Variants in PHLPP2 observed in about 807,000 individuals in gnomAD.
The protein encoded by PHLPP2 is PH domain and leucine rich repeat protein phosphatase 2.
Under a neutral mutation model 124.9 loss-of-function variants are expected in PHLPP2, and 66 were observed. The observed-to-expected ratio is 0.53, with a 90% CI of 0.43 to 0.65. PHLPP2 has a LOEUF of 0.65. Ranked by LOEUF, PHLPP2 falls within the 30% of genes least tolerant of loss-of-function variation. PHLPP2 has a pLI of 0.00. For synonymous variants in PHLPP2, 681 were observed against 624.7 expected, an observed-to-expected ratio of 1.09 and a Z score of -1.34; for missense variants, 1,685 against 1,600.4, an observed-to-expected ratio of 1.05 and a Z score of -0.90.
chr16:71,719,697 A>C (rs2045385692), intron 1 of PHLPP2, among the ~76,000 whole-genome samples: 1 of 151,684 alleles, frequency 6.6e-6, no homozygotes, highest in Admixed American at 6.6e-5. Flanking sequence ...TGGGTGACAC[A>C]AGGAGACTCT....
chr16:71,683,946 C>T (rs1360773355), intron 5 of PHLPP2, among the ~76,000 whole-genome samples: 1 of 151,538 alleles, frequency 6.6e-6, no homozygotes, highest in Admixed American at 6.6e-5. Context: ...GCATGTGCCA[C>T]TACACCCCGC....
At chr16:71,655,503 CTTT>C (rs1224203746) in intron 16 of PHLPP2, 69 bp from the exon 17 acceptor site, 6,901 of 779,476 alleles carry the variant, frequency 8.9e-3, no homozygotes, top group South Asian at 0.012. Context: ...AGGGAGCATT[CTTT>C]TTTTTTTTTT....
At position 71,645,043 on chromosome 16, in the gene PHLPP2, T is replaced by A. The variant is rs549014017; in HGVS notation, c.*3847A>T. On this transcript the variant is annotated 3_prime_UTR_variant, in exon 19 of 19. Coordinates refer to ENST00000568954, the MANE Select transcript of PHLPP2 (RefSeq NM_015020.3). ...GGCTCATATTATTGAATTAAAAAATTTAACACATTTCAAAAATATCAAAAA... is the reference window on the plus strand; with the variant it reads ...GGCTCATATTATTGAATTAAAAAATATAACACATTTCAAAAATATCAAAAA... 466 of 276,076 alleles carry A rather than the reference T, an allele frequency of 1.7e-3. 11 individuals are homozygous for A. Among genetic ancestry groups the A allele is most frequent in the South Asian group, 0.015 (452 of 29,262 alleles). The allele number at this position is 276,076 out of a possible 1,614,324, so 17.1% of individuals were successfully genotyped here.
At chr16:71,681,719 C>A in intron 6 of PHLPP2, 32 bp downstream of exon 6, 1 of 1,551,680 alleles carries the variant, frequency 6.4e-7, no homozygotes, top group Non-Finnish European at 8.7e-7. Context: ...TTGGTTTTAA[C>A]AGGTTAGTCT....
At chr16:71,704,288 C>T (rs1236862779) in intron 2 of PHLPP2, among the ~76,000 whole-genome samples, 6 of 127,704 alleles carry the variant, frequency 4.7e-5, no homozygotes, top group Admixed American at 9.8e-5. Flanking sequence ...CCAGCCTGGG[C>T]GACAGTGAGA....
At chr16:71,688,566 TGAG>T (rs1457976036) in intron 4 of PHLPP2, among the ~76,000 whole-genome samples, 5 of 151,972 alleles carry the variant, frequency 3.3e-5, no homozygotes, top group Non-Finnish European at 7.4e-5. Context: ...TTCTGATGGT[TGAG>T]TTTGTGGAAA....
Position 71,649,253 on chromosome 16 carries a change from A to AAAACACGACCC in PHLPP2, c.3598_3608dup (p.Phe1203LeufsTer13), listed in dbSNP as rs2044676297. On this transcript the variant is annotated frameshift_variant, in exon 19 of 19. Coordinates refer to ENST00000568954, the MANE Select transcript of PHLPP2 (RefSeq NM_015020.3). LOFTEE classifies it high-confidence loss of function. ...TCACACTGTTCTGTCTTCGGATCCC[A>AAAACACGACCC]AAACACGACCCTCTAGCATGTTCCT... 3.7e-6 allele frequency: 6 copies of AAAACACGACCC among 1,613,832 alleles called. No individual in the cohort carries two copies. The highest frequency in any genetic ancestry group is 5.1e-6 in the Non-Finnish European group (6 of 1,179,956).
In PHLPP2 at chr16:71,658,288, C is replaced by T. The variant is rs761636828; in HGVS notation, c.2224G>A (p.Asp742Asn). 7 of 1,613,834 alleles carry T rather than the reference C, an allele frequency of 4.3e-6. No individual in the cohort carries two copies. Among genetic ancestry groups the T allele is most frequent in the Non-Finnish European group, 5.9e-6 (7 of 1,179,776 alleles). ...EALPATLQDL[D>N]LTGNTNLVLE... is the part of the protein sequence containing the mutation. ...ACCAGATTTGTATTTCCAGTCAGGT[C>T]AAGGTCTTGTAATGTAGCAGGCAAA... is the stretch of plus-strand genomic sequence containing the variant. Residue 742 changes from aspartate (D) to asparagine (N), a missense_variant, in exon 15 of 19, where the codon GAC becomes AAC. Coordinates refer to ENST00000568954, the MANE Select transcript of PHLPP2 (RefSeq NM_015020.3).
chr16:71,704,467 G>A (rs1182912467), intron 2 of PHLPP2, among the ~76,000 whole-genome samples: 2 of 151,826 alleles, frequency 1.3e-5, no homozygotes, highest in African/African-American at 4.8e-5. Flanking sequence ...CAACTACAAA[G>A]CTGAACATAA....
rs2045036100 is a variant in PHLPP2, at chr16:71,684,610, G to C, written c.610-9C>G. 5.6e-6 allele frequency: 9 copies of C among 1,598,476 alleles called. No homozygotes were observed. In the East Asian group the frequency reaches 1.6e-4, roughly 28 times the overall value. On this transcript the variant is annotated splice_polypyrimidine_tract_variant and intron_variant, in intron 4 of 18. Transcript: ENST00000568954. ...CGCTTCACTTCTTCTATCTGAAGAAGAGGAGGGGAGAAAACCAGAACCACT... is the reference window on the plus strand; with the variant it reads ...CGCTTCACTTCTTCTATCTGAAGAACAGGAGGGGAGAAAACCAGAACCACT...
intron 10 of PHLPP2, 114 bp downstream of exon 10, chr16:71,672,148 G>T: frequency 2.8e-6 from 2 of 720,956 alleles, no homozygotes; most frequent in Non-Finnish European, 4.9e-6. Flanking sequence ...CTTTTTCCAG[G>T]TTATCCAAGT....
At chr16:71,692,222 A>C (rs2045122044) in intron 3 of PHLPP2, among the ~76,000 whole-genome samples, 2 of 152,038 alleles carry the variant, frequency 1.3e-5, no homozygotes, top group Non-Finnish European at 2.9e-5. Context: ...AGCACCCGCC[A>C]ACACGCCCGG....
At chr16:71,722,839 T>TA (rs1382111382) in intron 1 of PHLPP2, among the ~76,000 whole-genome samples, 2 of 152,240 alleles carry the variant, frequency 1.3e-5, no homozygotes, top group South Asian at 2.1e-4. Flanking sequence ...CAAATGCTAG[T>TA]AAAAAACTCC....
At chr16:71,693,343 C>T (rs1320333331) in intron 3 of PHLPP2, among the ~76,000 whole-genome samples, 1 of 152,256 alleles carries the variant, frequency 6.6e-6, no homozygotes, top group African/African-American at 2.4e-5. Flanking sequence ...CCCTGTACAG[C>T]AGCAGCTCCT....
rs1276179563 is a variant in PHLPP2, at chr16:71,649,983, G to T, written c.2879C>A (p.Pro960His). Residue 960 changes from proline (P) to histidine (H), a missense_variant, in exon 19 of 19, where the codon CCT (proline) becomes CAT (histidine). Pro to His is a moderately conservative substitution (Grantham distance 77). Transcript: ENST00000568954. ...TATGTGGGGCTTGGGGAGGATCCAA[G>T]GGTAGAGGTATGTACAGCCCAGCAT... The part of the protein sequence containing the change: ...TRMLGCTYLY[P>H]WILPKPHISS... 1 of 1,613,676 alleles carries T rather than the reference G, an allele frequency of 6.2e-7. No individual in the cohort carries two copies. Among genetic ancestry groups the T allele is most frequent in the South Asian group, 1.1e-5 (1 of 91,076 alleles).
intron 3 of PHLPP2, among the ~76,000 whole-genome samples, chr16:71,691,460 CAAAT>C (rs57388026): frequency 0.19 from 26,464 of 139,022 alleles, 2,767 homozygotes; most frequent in African/African-American, 0.25. Context: ...GACGCTGTCT[CAAAT>C]AAATAAATAA....
chr16:71,655,354 T>C lies in PHLPP2; in HGVS notation c.2471A>G (p.Asn824Ser). 6.2e-7 allele frequency: 1 copy of C among 1,614,066 alleles called. No individual in the cohort carries two copies. Among genetic ancestry groups the C allele is most frequent in the Non-Finnish European group, 8.5e-7 (1 of 1,179,942 alleles). The change falls in exon 17 of 19, where the codon AAT becomes AGT. Residue 824 changes from asparagine (N) to serine (S), a missense_variant. Physicochemically the swap from Asn to Ser is conservative, Grantham distance 46 (BLOSUM62 1). Coordinates refer to ENST00000568954, the MANE Select transcript of PHLPP2 (RefSeq NM_015020.3). ...AVYGMFDGDRNEELPRLLQCT... is the reference protein window; with the variant it reads ...AVYGMFDGDRSEELPRLLQCT... ...CTGCAGCAGGCGCGGGAGCTCCTCA[T>C]TTCGGTCTCCATCAAACATGCCATA...
rs759534302 is a variant in PHLPP2, at chr16:71,676,448, G to T, written c.1470C>A (p.Asn490Lys). The T allele has an allele frequency of 9.3e-6, 15 of 1,612,732 alleles. No individual in the cohort carries two copies. Among genetic ancestry groups the T allele is most frequent in the Non-Finnish European group, 2.5e-6 (3 of 1,178,850 alleles). ...CAAAAGGCTGCAGAGAAAACTCACT[G>T]TTGGAACTGGCATAGAGGGTCCGAA... The part of the protein sequence containing the change: ...FSLRTLYASS[N>K]RLTAVNVYPV... Residue 490 changes from asparagine (N) to lysine (K), a missense_variant and splice_region_variant, in exon 9 of 19, where the codon AAC (asparagine) becomes AAA (lysine). By Grantham distance (94) the Asn-to-Lys change is moderately conservative (BLOSUM62 0). Transcript: ENST00000568954.
At chr16:71,695,559 A>C (rs1194175663) in intron 3 of PHLPP2, among the ~76,000 whole-genome samples, 1 of 152,138 alleles carries the variant, frequency 6.6e-6, no homozygotes, top group Non-Finnish European at 1.5e-5. Flanking sequence ...AAATACAAAA[A>C]TTAGCTGGGT....
Sources: gnomAD v4.1 joint callset for allele counts (sites outside exome capture counted in the v4.1 genomes callset) on GRCh38, gnomAD v4.1.1 for gene constraint, MANE v1.5 for transcripts, NCBI Gene and HGNC (gene_info 2026-07-23, HGNC 2026-07-21) for gene names.